OPRM1: variants seen among roughly 807,000 people sequenced by gnomAD.
The protein encoded by OPRM1 is opioid receptor mu 1.
Under a neutral mutation model 31.8 loss-of-function variants are expected in OPRM1, and 27 were observed. The ratio of observed to expected loss-of-function variants is 0.85; its 90% CI spans 0.63 to 1.17. OPRM1 has a LOEUF of 1.17. Among genes scored for constraint, OPRM1 ranks in the 50% most tolerant of loss-of-function variants. The pLI is 0.00. For missense variants in OPRM1, 536 were observed against 511.1 expected, an observed-to-expected ratio of 1.05 and a Z score of -0.47; for synonymous variants, 196 against 189.9, an observed-to-expected ratio of 1.03 and a Z score of -0.26.
At position 154,168,287 on chromosome 6, in the gene OPRM1, T is replaced by C. The variant is rs1336275925; in HGVS notation, c.1164+76815T>C. On this transcript the variant is annotated intron_variant, in intron 3 of 3. Transcript: ENST00000337049. This position sits in a 1 kb window ranked among gnomAD's most constrained non-coding sequence, Gnocchi z 4.1. ...GTCTAAGCCACCCAGTTTGCGATAC[T>C]TTGTTACTGCAGAGCCACGTTCCCT... Among the ~76,000 whole-genome samples, 1 of 152,190 alleles carries C rather than the reference T, an allele frequency of 6.6e-6. No individual in the cohort carries two copies. Among genetic ancestry groups the C allele is most frequent in the African/African-American group, 2.4e-5 (1 of 41,442 alleles).
rs894075183 is a variant in OPRM1, at chr6:154,085,540, T to C, written c.291-4286T>C. On this transcript the variant is annotated intron_variant, in intron 1 of 3. Transcript: ENST00000330432. ...TTGGGCCACTGCTTCGAGCAGAAGA[T>C]GGAGTTCAGTGGCTACCATAGGAAG... 5.9e-5 allele frequency among the ~76,000 whole-genome samples: 9 copies of C among 152,214 alleles called. No individual in the cohort carries two copies. The East Asian group carries it at 1.7e-3, about 29-fold the overall frequency.
intron 3 of OPRM1, among the ~76,000 whole-genome samples, chr6:154,153,385 T>A (rs1289211222): frequency 6.6e-6 from 1 of 152,090 alleles, no homozygotes; most frequent in Non-Finnish European, 1.5e-5. Flanking sequence ...AATCACAAGG[T>A]TGCTTAAAAG....
At chr6:154,182,884 G>A (rs1801012730) in intron 3 of OPRM1, among the ~76,000 whole-genome samples, 1 of 152,170 alleles carries the variant, frequency 6.6e-6, no homozygotes, top group South Asian at 2.1e-4. Context: ...GAACACTTCA[G>A]GTCAAGAACA....
At chr6:154,020,291 C>A (rs1778287661) in intron 1 of OPRM1, among the ~76,000 whole-genome samples, 1 of 152,060 alleles carries the variant, frequency 6.6e-6, no homozygotes, top group Non-Finnish European at 1.5e-5. Flanking sequence ...CTGTTTTCAA[C>A]AGTGGCTAGG....
At chr6:154,100,175 T>C (rs1240017386) in intron 3 of OPRM1, among the ~76,000 whole-genome samples, 1 of 120,488 alleles carries the variant, frequency 8.3e-6, no homozygotes, top group African/African-American at 3.1e-5. Context: ...TAATATATAT[T>C]ATCATATTAT....
intron 3 of OPRM1, among the ~76,000 whole-genome samples, chr6:154,243,590 G>A (rs1426182942): frequency 6.6e-6 from 1 of 152,192 alleles, no homozygotes; most frequent in African/African-American, 2.4e-5. Flanking sequence ...CAATGACAAT[G>A]AGATCACATG....
chr6:154,221,847 C>G (rs1023255352), intron 3 of OPRM1, among the ~76,000 whole-genome samples: 2 of 152,164 alleles, frequency 1.3e-5, no homozygotes, highest in African/African-American at 4.8e-5. Flanking sequence ...GCACTCCAGT[C>G]TGGGTGACAG....
chr6:154,146,256 T>C (rs1583654691), intron 3 of OPRM1, among the ~76,000 whole-genome samples: 1 of 152,182 alleles, frequency 6.6e-6, no homozygotes, highest in Non-Finnish European at 1.5e-5. Context: ...AAAAATCAGC[T>C]GAGCGCGGTG....
chr6:154,188,119 T>G (rs1481619247), intron 3 of OPRM1, among the ~76,000 whole-genome samples: 2 of 152,204 alleles, frequency 1.3e-5, no homozygotes, highest in African/African-American at 4.8e-5. Flanking sequence ...TAAAAAAATT[T>G]AGGATAAATT....
At chr6:154,222,198 T>C (rs1490896125) in intron 3 of OPRM1, among the ~76,000 whole-genome samples, 6 of 152,322 alleles carry the variant, frequency 3.9e-5, no homozygotes, top group Non-Finnish European at 5.9e-5. Flanking sequence ...ACATTGAAGA[T>C]AACAAATGAG....
At chr6:154,221,375 T>A (rs1012854178) in intron 3 of OPRM1, 1 of 1,427,200 alleles carries the variant, frequency 7.0e-7, no homozygotes, top group Non-Finnish European at 9.9e-7. Context: ...GTGTTTATAG[T>A]CAACAATGGG....
rs199973850 is a variant in OPRM1, at chr6:154,090,178, G to A, written c.643G>A (p.Gly215Ser). The change falls in exon 2 of 4, where the codon GGT (glycine) becomes AGT (serine). Residue 215 changes from glycine (G) to serine (S), a missense_variant and splice_region_variant. Gly to Ser is a moderately conservative substitution (Grantham distance 56, BLOSUM62 0). Coordinates refer to ENST00000330432, the MANE Select transcript of OPRM1 (RefSeq NM_000914.5). ...CATGGCTACAACAAAATACAGGCAA[G>A]GTGAGTGATGTTACCAGCCTGAGGG... ...MFMATTKYRQ[G>S]SIDCTLTFSH... The A allele has an allele frequency of 2.4e-5, 38 of 1,600,294 alleles. No homozygotes were observed. In the South Asian group the frequency reaches 3.9e-4, roughly 16 times the overall value.
chr6:154,102,410 T>G (rs1220404158), intron 3 of OPRM1, among the ~76,000 whole-genome samples: 4 of 152,292 alleles, frequency 2.6e-5, no homozygotes, highest in African/African-American at 9.6e-5. Flanking sequence ...GCTAATATTA[T>G]TACTCCAAGC....
intron 3 of OPRM1, among the ~76,000 whole-genome samples, chr6:154,118,212 GA>G (rs933948131): frequency 1.3e-4 from 20 of 151,836 alleles, no homozygotes; most frequent in Admixed American, 2.6e-4. Context: ...TCAGTTACAG[GA>G]AAAAAATCAT....
At chr6:154,149,950 C>T (rs1440623238) in intron 3 of OPRM1, among the ~76,000 whole-genome samples, 1 of 152,212 alleles carries the variant, frequency 6.6e-6, no homozygotes, top group Non-Finnish European at 1.5e-5. Flanking sequence ...GCCACCATAG[C>T]TTTTTAATGA....
intron 3 of OPRM1, among the ~76,000 whole-genome samples, chr6:154,189,741 G>T (rs1263740819): frequency 6.6e-6 from 1 of 152,010 alleles, no homozygotes; most frequent in Non-Finnish European, 1.5e-5. Flanking sequence ...GGCCGAGGTG[G>T]GTGGATCACC....
At chr6:154,214,120 G>A in intron 3 of OPRM1, 1 of 815,418 alleles carries the variant, frequency 1.2e-6, no homozygotes, top group Admixed American at 1.9e-5. Context: ...GTTTCCTCAG[G>A]ATCAGACTAT....
chr6:154,104,670 A>G (rs989626877), intron 3 of OPRM1, among the ~76,000 whole-genome samples: 3 of 152,250 alleles, frequency 2.0e-5, no homozygotes, highest in Admixed American at 1.3e-4. Context: ...TCCCATTTTT[A>G]CTAAAGACAA....
intron 3 of OPRM1, among the ~76,000 whole-genome samples, chr6:154,221,585 T>C (rs1436238938): frequency 1.3e-5 from 2 of 152,124 alleles, no homozygotes; most frequent in Non-Finnish European, 2.9e-5. Context: ...TTAAAACATA[T>C]AGGTATGGCC....
Sources: gnomAD v4.1 joint callset for allele counts (sites outside exome capture counted in the v4.1 genomes callset) on GRCh38, gnomAD v4.1.1 for gene constraint, Gnocchi (gnomAD v3.1) non-coding constraint, MANE v1.5 for transcripts, NCBI Gene and HGNC (gene_info 2026-07-23, HGNC 2026-07-21) for gene names.